The following GPC1 variants were observed in gnomAD, a reference collection of about 807,000 sequenced individuals.
GPC1 encodes glypican-1.
GPC1 carries 26 observed loss-of-function variants against 51.5 expected under a neutral mutation model. That is an observed-to-expected ratio of 0.50 (90% confidence interval 0.37 to 0.70). GPC1 has a LOEUF of 0.70. GPC1 is among the 30% of genes least tolerant of loss of function. The probability of loss-of-function intolerance (pLI) is 0.00; values close to 1 mark genes in which losing one functional copy is unlikely to be tolerated. For missense variants in GPC1, 775 were observed against 800.5 expected (o/e 0.97, Z 0.38); for synonymous variants, 380 against 348.3 (o/e 1.09, Z -1.01).
chr2:240,436,549 C>T (rs2073985572), intron 1 of GPC1, among the ~76,000 whole-genome samples: 1 of 152,218 alleles, frequency 6.6e-6, no homozygotes, highest in Admixed American at 6.5e-5. Context: ...TGGCCGCGGA[C>T]CCCTTCTGCT....
intron 7 of GPC1, 113 bp from the exon 8 acceptor site, chr2:240,465,360 C>T (rs2074251896): frequency 3.7e-6 from 5 of 1,351,832 alleles, no homozygotes; most frequent in Non-Finnish European, 4.1e-6. Flanking sequence ...CTGCTCGGTC[C>T]CTGGAAGCTG....
intron 1 of GPC1, among the ~76,000 whole-genome samples, chr2:240,446,568 C>A (rs1462000106): frequency 2.0e-5 from 3 of 152,212 alleles, no homozygotes; most frequent in Non-Finnish European, 2.9e-5. Context: ...CCCTAAAGAC[C>A]ACTCCCTGGC....
At chr2:240,449,637 A>T (rs1370977437) in intron 1 of GPC1, 2 of 319,596 alleles carry the variant, frequency 6.3e-6, no homozygotes, top group Non-Finnish European at 1.2e-5. Context: ...TGCGGCCGTC[A>T]CCCCCATCCA....
At chr2:240,439,312 G>A (rs562826794) in intron 1 of GPC1, among the ~76,000 whole-genome samples, 1 of 152,308 alleles carries the variant, frequency 6.6e-6, no homozygotes, top group East Asian at 1.9e-4. Flanking sequence ...ATGGAGGGTA[G>A]AGGAGGGTCT....
At chr2:240,436,124 G>T in intron 1 of GPC1, 40 bp downstream of exon 1, 1 of 1,224,910 alleles carries the variant, frequency 8.2e-7, no homozygotes, top group Non-Finnish European at 1.0e-6. Flanking sequence ...GGCCTGGCCG[G>T]GCTTTGGGCT....
At chr2:240,437,948 T>C (rs997675992) in intron 1 of GPC1, among the ~76,000 whole-genome samples, 4 of 152,104 alleles carry the variant, frequency 2.6e-5, no homozygotes, top group African/African-American at 9.7e-5. Context: ...GATGGAGAAG[T>C]TGATGTGGGG....
chr2:240,465,452 C>A (rs760464197), intron 7 of GPC1, 21 bp from the exon 8 acceptor site: 1 of 1,610,156 alleles, frequency 6.2e-7, no homozygotes. Flanking sequence ...GTGACCTGGG[C>A]TCTGCCTGCC....
rs1411755240 is a variant in GPC1 at position 240,448,568 on chromosome 2, G to A, written c.167-10462G>A. ...GAAATGGGTGGGAGTCACGGAGGCA[G>A]GGGGCCCCCATTCCCACCTGCTCCA... On this transcript the variant is annotated intron_variant, in intron 1 of 8. Transcript: ENST00000264039. This position sits in a 1 kb window ranked among gnomAD's most constrained non-coding sequence, Gnocchi z 4.5. Among the ~76,000 whole-genome samples, 1 of 152,066 alleles carries A rather than the reference G, an allele frequency of 6.6e-6. No individual in the cohort carries two copies. The highest frequency in any genetic ancestry group is 1.5e-5 in the Non-Finnish European group (1 of 67,990).
At chr2:240,446,719 G>C (rs1248975267) in intron 1 of GPC1, among the ~76,000 whole-genome samples, 1 of 152,194 alleles carries the variant, frequency 6.6e-6, no homozygotes, top group Non-Finnish European at 1.5e-5. Flanking sequence ...CCAACCCAAG[G>C]AGCCTGGAGC....
rs374378112 is a variant in GPC1 at position 240,465,534 on chromosome 2, G to A, written c.1330G>A (p.Val444Met). 1 of 1,613,200 alleles carries A rather than the reference G, an allele frequency of 6.2e-7. No homozygotes were observed. The highest frequency in any genetic ancestry group is 8.5e-7 in the Non-Finnish European group (1 of 1,179,982). ...CCAGATCAACAACCCCGAGGTGGAG[G>A]TGGACATCACCAAGCCGGACATGAC... ...ANQINNPEVE[V>M]DITKPDMTIR... The change falls in exon 8 of 9, where the codon GTG becomes ATG. Residue 444 changes from valine (V) to methionine (M), a missense_variant. Coordinates refer to ENST00000264039, the MANE Select transcript of GPC1 (RefSeq NM_002081.3).
At chr2:240,464,482 C>T (rs1204981682) in intron 4 of GPC1, 134 bp from the exon 5 acceptor site, 9 of 1,210,748 alleles carry the variant, frequency 7.4e-6, no homozygotes, top group African/African-American at 4.4e-5. Context: ...TGAGTGCACA[C>T]GTGGGATCTC....
chr2:240,455,900 C>G, intron 1 of GPC1: 1 of 312,158 alleles, frequency 3.2e-6, no homozygotes. Flanking sequence ...GACTGCCGTG[C>G]GTCCAGCCTG....
At position 240,462,289 on chromosome 2, in the gene GPC1, C is replaced by A; in HGVS notation, c.424C>A (p.Arg142=). 1 of 1,608,940 alleles carries A rather than the reference C, an allele frequency of 6.2e-7. No homozygotes were observed. The change falls in exon 3 of 9, where the codon CGG becomes AGG. Residue 142 remains arginine (R), a synonymous_variant. Transcript: ENST00000264039. ...GTACACGCAGAACGCGAGGGCCTTC[C>A]GGGACCTGTACTCAGAGCTGCGCCT... ...ELYTQNARAF[R]DLYSELRLYY...
At chr2:240,449,950 TC>T (rs558891808) in intron 1 of GPC1, 117 of 468,308 alleles carry the variant, frequency 2.5e-4, no homozygotes, top group African/African-American at 2.0e-3. Context: ...AACAATCTAT[TC>T]GACTGTGGAG....
intron 4 of GPC1, chr2:240,464,414 C>T (rs1461802605): frequency 1.1e-5 from 7 of 610,656 alleles, no homozygotes; most frequent in South Asian, 7.3e-5. Context: ...CACAGGTGCA[C>T]ACGTGGGTGT....
chr2:240,452,636 G>A (rs1194813020), intron 1 of GPC1, among the ~76,000 whole-genome samples: 2 of 152,034 alleles, frequency 1.3e-5, no homozygotes, highest in Non-Finnish European at 2.9e-5. Context: ...GGGAGGGAGG[G>A]GCCCGGCCTC....
intron 1 of GPC1, among the ~76,000 whole-genome samples, chr2:240,442,846 G>A (rs1367291847): frequency 3.3e-5 from 5 of 152,236 alleles, no homozygotes; most frequent in African/African-American, 1.2e-4. Flanking sequence ...TCTGTAATGG[G>A]CTTAGAGCTC....
chr2:240,464,574 C>T lies in GPC1; in HGVS notation c.884-42C>T, dbSNP rs770652968. On this transcript the variant is annotated intron_variant, in intron 4 of 8. Coordinates refer to ENST00000264039, the MANE Select transcript of GPC1 (RefSeq NM_002081.3). ...GTGTGCGTGTCAACGCCTGTGTGCG[C>T]GCGTTAACGCCTGTGTGTCCGCGTG... The T allele has an allele frequency of 3.8e-4, 114 of 302,676 alleles. 1 individual carries two copies. The highest frequency in any genetic ancestry group is 7.0e-4 in the African/African-American group (7 of 9,960). 18.7% of individuals were successfully genotyped at this position (302,676 alleles called of 1,614,324 possible).
chr2:240,446,069 G>A (rs762481378), intron 1 of GPC1, among the ~76,000 whole-genome samples: 3 of 152,252 alleles, frequency 2.0e-5, no homozygotes, highest in South Asian at 2.1e-4. Context: ...CGGGGCCCAC[G>A]GCACAGAGAA....
Sources: allele counts gnomAD v4.1 joint callset (sites outside exome capture counted in the v4.1 genomes callset), GRCh38; gene constraint gnomAD v4.1.1; non-coding constraint Gnocchi (gnomAD v3.1); transcripts MANE v1.5; gene names NCBI Gene and HGNC (gene_info 2026-07-23, HGNC 2026-07-21).